The following ZNF385D variants were observed in gnomAD, a reference collection of about 807,000 sequenced individuals.
The protein encoded by ZNF385D is zinc finger protein 659.
In ZNF385D, 15 loss-of-function variants were observed where a neutral mutation model predicts 35.8. The observed-to-expected ratio is 0.42, with a 90% CI of 0.28 to 0.64. ZNF385D has a LOEUF of 0.64. Ranked by LOEUF, ZNF385D falls within the 30% of genes least tolerant of loss-of-function variation. ZNF385D has a pLI of 0.23. For missense variants in ZNF385D, 474 were observed against 494.6 expected (o/e 0.96, Z 0.39); for synonymous variants, 212 against 186.8 (o/e 1.13, Z -1.10).
chr3:21,527,918 A>T (rs992645658), intron 3 of ZNF385D, among the ~76,000 whole-genome samples: 5 of 152,184 alleles, frequency 3.3e-5, no homozygotes, highest in Non-Finnish European at 7.4e-5. Flanking sequence ...AATTCCAAAG[A>T]ATATATTTTA....
At chr3:21,861,213 AC>A (rs1697035019) in intron 3 of ZNF385D, among the ~76,000 whole-genome samples, 1 of 151,778 alleles carries the variant, frequency 6.6e-6, no homozygotes, top group African/African-American at 2.4e-5. Context: ...TGCTCTCAAA[AC>A]AAGTTCTATT....
intron 1 of ZNF385D, among the ~76,000 whole-genome samples, chr3:21,698,588 A>G (rs897728932): frequency 1.3e-5 from 2 of 152,114 alleles, no homozygotes; most frequent in Non-Finnish European, 2.9e-5. Flanking sequence ...GCCTGCATAT[A>G]TGCTCCCTCA....
rs190036322 is a variant in ZNF385D at position 22,026,774 on chromosome 3, C to A, written c.325+142043G>T. On this transcript the variant is annotated intron_variant, in intron 3 of 5. Coordinates refer to the ZNF385D transcript ENST00000494108. ...AGTAAATCAAAAACAATATTGCATC[C>A]CTGGAGGGATTGAGAACATTAGTGC... 1.8e-3 allele frequency among the ~76,000 whole-genome samples: 267 copies of A among 152,214 alleles called. 1 individual carries two copies. The highest frequency in any genetic ancestry group is 2.3e-3 in the Non-Finnish European group (159 of 68,014).
chr3:22,236,206 A>G (rs1699175476), intron 2 of ZNF385D, among the ~76,000 whole-genome samples: 1 of 152,222 alleles, frequency 6.6e-6, no homozygotes, highest in African/African-American at 2.4e-5. Context: ...ATGTATGTAC[A>G]GAAACATGTA....
At chr3:22,290,809 T>C (rs992115529) in intron 2 of ZNF385D, among the ~76,000 whole-genome samples, 1 of 152,010 alleles carries the variant, frequency 6.6e-6, no homozygotes, top group Non-Finnish European at 1.5e-5. Context: ...ACAGGGAGAG[T>C]CAGTAGCCTC....
intron 2 of ZNF385D, among the ~76,000 whole-genome samples, chr3:22,322,008 A>G (rs1694459575): frequency 6.6e-6 from 1 of 152,180 alleles, no homozygotes; most frequent in Admixed American, 6.5e-5. Context: ...AGTTCTTTAG[A>G]AAATTCCCTG....
intron 2 of ZNF385D, among the ~76,000 whole-genome samples, chr3:21,630,467 A>G (rs1008528102): frequency 2.0e-5 from 3 of 152,020 alleles, no homozygotes; most frequent in African/African-American, 7.2e-5. Context: ...AACCTCCCAA[A>G]GTGCTGGGAA....
In ZNF385D at chr3:22,177,849, T is replaced by C. The variant is rs556981698; in HGVS notation, c.107-8814A>G. Among the ~76,000 whole-genome samples the C allele has an allele frequency of 1.5e-4, 23 of 152,266 alleles. No homozygotes were observed. The East Asian group carries it at 4.3e-3, about 28-fold the overall frequency. On this transcript the variant is annotated intron_variant, in intron 2 of 5. Transcript: ENST00000494108. ...ACATACGGTGGTTGGTTTTTTGTCC[T>C]TGTGATAGTTTGCTGAGAATGATGG...
intron 4 of ZNF385D, among the ~76,000 whole-genome samples, chr3:21,502,726 A>G (rs185015392): frequency 1.2e-4 from 18 of 152,204 alleles, no homozygotes; most frequent in Non-Finnish European, 2.1e-4. Flanking sequence ...CTCTTTTTCA[A>G]TCTCTAAAGA....
chr3:22,133,335 G>C (rs569095069), intron 3 of ZNF385D, among the ~76,000 whole-genome samples: 3 of 152,030 alleles, frequency 2.0e-5, no homozygotes, highest in East Asian at 3.9e-4. Flanking sequence ...TTATGCAGTA[G>C]AATACTGAAC....
chr3:21,808,116 A>T (rs2072736754), intron 3 of ZNF385D, among the ~76,000 whole-genome samples: 1 of 152,228 alleles, frequency 6.6e-6, no homozygotes, highest in Non-Finnish European at 1.5e-5. Context: ...GGTTGGAGGA[A>T]AAGTCATATA....
intron 2 of ZNF385D, among the ~76,000 whole-genome samples, chr3:22,204,118 G>T (rs555423951): frequency 2.6e-5 from 4 of 152,128 alleles, no homozygotes; most frequent in African/African-American, 7.2e-5. Flanking sequence ...GACTTCCCCA[G>T]CTCCAGACAG....
intron 2 of ZNF385D, among the ~76,000 whole-genome samples, chr3:22,294,406 ACTT>A (rs753170806): frequency 2.0e-4 from 30 of 152,156 alleles, no homozygotes; most frequent in South Asian, 8.3e-4. Context: ...CTATGAATAT[ACTT>A]CTTATTTCAT....
intron 3 of ZNF385D, among the ~76,000 whole-genome samples, chr3:22,118,033 T>A (rs1300236495): frequency 1.3e-5 from 2 of 152,084 alleles, no homozygotes; most frequent in Non-Finnish European, 2.9e-5. Flanking sequence ...AACCTGTGAT[T>A]TGTAACAGAC....
At chr3:21,976,193 G>C (rs68085511) in intron 3 of ZNF385D, among the ~76,000 whole-genome samples, 38,275 of 152,004 alleles carry the variant, frequency 0.25, 5,277 homozygotes, top group East Asian at 0.33. Context: ...CAGAGGATAG[G>C]TTAAATTATC....
chr3:21,787,885 A>T lies in ZNF385D; in HGVS notation c.326-122857T>A, dbSNP rs796859598. ...TGAACCCGGGAGGCGGAGCTTGCAG[A>T]GAGGCGAGATCGAGCCACTGCACTC... On this transcript the variant is annotated intron_variant, in intron 3 of 5. Transcript: ENST00000494108. 8.1e-4 allele frequency among the ~76,000 whole-genome samples: 112 copies of T among 138,828 alleles called. 1 individual carries two copies. The highest frequency in any genetic ancestry group is 2.7e-3 in the African/African-American group (101 of 37,180). 91.1% of individuals were successfully genotyped at this position (138,828 alleles called of 152,430 possible). A position where few individuals can be genotyped will look rare whatever the true frequency, so the allele number is the denominator to read the frequency against.
chr3:22,063,531 A>G (rs764693155), intron 3 of ZNF385D, among the ~76,000 whole-genome samples: 9 of 152,204 alleles, frequency 5.9e-5, no homozygotes, highest in Non-Finnish European at 1.0e-4. Flanking sequence ...ACTAAAGCCT[A>G]TTAAATTCTC....
intron 4 of ZNF385D, among the ~76,000 whole-genome samples, chr3:21,499,118 C>G (rs1706164750): frequency 6.6e-6 from 1 of 151,970 alleles, no homozygotes; most frequent in Non-Finnish European, 1.5e-5. Flanking sequence ...CCCAGCAACC[C>G]CTTTTTTGAG....
chr3:21,473,309 C>CT (rs1704021671), intron 4 of ZNF385D, among the ~76,000 whole-genome samples: 2 of 148,918 alleles, frequency 1.3e-5, no homozygotes, highest in South Asian at 2.1e-4. Flanking sequence ...GCTAAAAACT[C>CT]TGTTTCCCAA....
Sources: gnomAD v4.1 joint callset for allele counts (sites outside exome capture counted in the v4.1 genomes callset) on GRCh38, gnomAD v4.1.1 for gene constraint, MANE v1.5 for transcripts, NCBI Gene and HGNC (gene_info 2026-07-23, HGNC 2026-07-21) for gene names.